TADA2A: variants seen among roughly 807,000 people sequenced by gnomAD.
TADA2A encodes the protein transcriptional adapter 2-alpha.
A neutral mutation model predicts 67.4 loss-of-function variants in TADA2A; 38 were observed. The observed-to-expected ratio is 0.56, with a 90% CI of 0.44 to 0.74. TADA2A has a LOEUF of 0.74. TADA2A is among the 30% of genes least tolerant of loss of function. The pLI, the probability that TADA2A is intolerant of heterozygous loss-of-function variation, is 0.00. For synonymous variants in TADA2A, 192 were observed against 181.6 expected (o/e 1.06, Z -0.46); for missense variants, 454 against 547.0 (o/e 0.83, Z 1.70).
intron 7 of TADA2A, among the ~76,000 whole-genome samples, chr17:37,443,529 C>T (rs2052985470): frequency 6.6e-6 from 1 of 152,208 alleles, no homozygotes; most frequent in Admixed American, 6.5e-5. Flanking sequence ...GCTAGGATTA[C>T]AGGCGTGAGC....
intron 2 of TADA2A, among the ~76,000 whole-genome samples, chr17:37,422,588 C>A (rs2052278721): frequency 1.3e-5 from 2 of 151,670 alleles, no homozygotes. Flanking sequence ...CTCACGGCAA[C>A]CTTTGCCTTC....
At chr17:37,411,913 T>TA (rs1427947449) in intron 2 of TADA2A, among the ~76,000 whole-genome samples, 1 of 151,334 alleles carries the variant, frequency 6.6e-6, no homozygotes, top group Non-Finnish European at 1.5e-5. Context: ...CCCTGGGTCT[T>TA]ACAAGAAAAT....
chr17:37,411,421 C>CTTA, intron 2 of TADA2A, 31 bp downstream of exon 2: 1 of 1,602,304 alleles, frequency 6.2e-7, no homozygotes, highest in South Asian at 1.1e-5. Context: ...TCTCAGGTGA[C>CTTA]TTATTATTAT....
chr17:37,418,886 G>C (rs781737161), intron 2 of TADA2A, among the ~76,000 whole-genome samples: 6,067 of 145,572 alleles, frequency 0.042, 507 homozygotes, highest in East Asian at 0.084. Context: ...ACCGTGCCTG[G>C]CTATTTTTTC....
intron 4 of TADA2A, among the ~76,000 whole-genome samples, chr17:37,429,240 C>T (rs567286218): frequency 1.3e-3 from 197 of 151,928 alleles, no homozygotes; most frequent in African/African-American, 4.6e-3. Flanking sequence ...ACAGCAGGCA[C>T]CTCAACTATG....
chr17:37,438,728 A>G (rs17695670), intron 5 of TADA2A, among the ~76,000 whole-genome samples: 8,872 of 152,326 alleles, frequency 0.058, 307 homozygotes, highest in Middle Eastern at 0.099. Context: ...CAAAGGAGGT[A>G]GAAAAGTAAT....
Position 37,415,384 on chromosome 17 carries a change from T to G in TADA2A, c.25+3994T>G, listed in dbSNP as rs906364281. 3.9e-5 allele frequency among the ~76,000 whole-genome samples: 6 copies of G among 152,336 alleles called. No individual in the cohort carries two copies. The East Asian group carries it at 1.2e-3, about 29-fold the overall frequency. On this transcript the variant is annotated intron_variant, in intron 2 of 15. Transcript: ENST00000615182. ...ACTTCATTGTGTGGATATGTTATTA[T>G]TCAAATAATTGCTTATACTTGGACA...
At chr17:37,462,778 A>G (rs2053577079) in intron 10 of TADA2A, among the ~76,000 whole-genome samples, 1 of 152,230 alleles carries the variant, frequency 6.6e-6, no homozygotes, top group Admixed American at 6.5e-5. Flanking sequence ...ATGTTTTGCA[A>G]CTATGTGTTA....
chr17:37,425,372 G>C (rs193225301), intron 3 of TADA2A, among the ~76,000 whole-genome samples: 12 of 152,180 alleles, frequency 7.9e-5, no homozygotes, highest in South Asian at 4.1e-4. Context: ...CTCTGTCCCA[G>C]GCACCACTTT....
In TADA2A at chr17:37,468,317, C is replaced by G. The variant is rs142666749; in HGVS notation, c.895+792C>G. 6.6e-5 allele frequency among the ~76,000 whole-genome samples: 10 copies of G among 152,222 alleles called. No individual in the cohort carries two copies. The East Asian group carries it at 1.9e-3, about 29-fold the overall frequency. ...CACTTGGATCAAGTCAATGAATTCT[C>G]ATGACAAACTTATAAAGTACCGTTA... On this transcript the variant is annotated intron_variant, in intron 12 of 15. Transcript: ENST00000615182.
At chr17:37,429,303 C>G (rs938989212) in intron 4 of TADA2A, among the ~76,000 whole-genome samples, 3 of 152,164 alleles carry the variant, frequency 2.0e-5, no homozygotes, top group African/African-American at 4.8e-5. Flanking sequence ...CCAGGATAGT[C>G]TCTCTACTTT....
intron 8 of TADA2A, among the ~76,000 whole-genome samples, chr17:37,453,150 GA>G (rs1409879928): frequency 1.3e-5 from 2 of 152,104 alleles, no homozygotes; most frequent in African/African-American, 4.8e-5. Context: ...TCCAGTCTAA[GA>G]ATATCCTTCA....
chr17:37,468,255 G>A (rs1451931643), intron 12 of TADA2A, among the ~76,000 whole-genome samples: 3 of 152,246 alleles, frequency 2.0e-5, no homozygotes, highest in African/African-American at 7.2e-5. Flanking sequence ...ACATCTATCA[G>A]ATATTTACCA....
At chr17:37,435,381 C>A (rs994978156) in intron 4 of TADA2A, among the ~76,000 whole-genome samples, 4 of 152,152 alleles carry the variant, frequency 2.6e-5, no homozygotes, top group Non-Finnish European at 4.4e-5. Flanking sequence ...CTCCACCTCC[C>A]GGGTTCACGC....
chr17:37,468,267 G>A (rs963289639), intron 12 of TADA2A, among the ~76,000 whole-genome samples: 1 of 152,118 alleles, frequency 6.6e-6, no homozygotes, highest in Non-Finnish European at 1.5e-5. Flanking sequence ...TATTTACCAT[G>A]TACCAGTCTC....
intron 2 of TADA2A, among the ~76,000 whole-genome samples, chr17:37,421,362 C>T (rs974674227): frequency 3.4e-5 from 5 of 145,880 alleles, no homozygotes; most frequent in African/African-American, 1.2e-4. Flanking sequence ...GGGCAACAGT[C>T]TAAGACCCTG....
chr17:37,408,348 G>T (rs949075665), intron 1 of TADA2A: 1 of 152,136 alleles, frequency 6.6e-6, no homozygotes, highest in African/African-American at 2.4e-5. Flanking sequence ...CACCTCCCGG[G>T]TTCAAGCAGT....
At position 37,477,002 on chromosome 17, in the gene TADA2A, C is replaced by A. The variant is rs779125083; in HGVS notation, c.*20C>A. ...GGCTAAGGCTCCAAGAGCTTGGGATCAGAAGTCAGAAGTTTGGAATGTGGT... is the reference window on the plus strand; with the variant it reads ...GGCTAAGGCTCCAAGAGCTTGGGATAAGAAGTCAGAAGTTTGGAATGTGGT... On this transcript the variant is annotated 3_prime_UTR_variant, in exon 16 of 16. Coordinates refer to ENST00000615182, the MANE Select transcript of TADA2A (RefSeq NM_001166105.3). 9 of 1,582,906 alleles carry A rather than the reference C, an allele frequency of 5.7e-6. No homozygotes were observed. The highest frequency in any genetic ancestry group is 7.8e-6 in the Non-Finnish European group (9 of 1,159,854).
Position 37,426,948 on chromosome 17 carries a change from A to G in TADA2A, c.133-2A>G. 6.3e-7 allele frequency: 1 copy of G among 1,596,394 alleles called. No individual in the cohort carries two copies. The highest frequency in any genetic ancestry group is 1.8e-5 in the Admixed American group (1 of 56,602). On this transcript the variant is annotated splice_acceptor_variant, in intron 3 of 15. Transcript: ENST00000615182. LOFTEE classifies it high-confidence loss of function. ...GCTAATTTAATTTTTCTTTCTTTGC[A>G]GTGTTTCACTCGAGGCTTTGAGTAC...
Sources: allele counts gnomAD v4.1 joint callset (sites outside exome capture counted in the v4.1 genomes callset), GRCh38; gene constraint gnomAD v4.1.1; transcripts MANE v1.5; gene names NCBI Gene and HGNC (gene_info 2026-07-23, HGNC 2026-07-21).